Variants in ART1 observed in about 807,000 individuals in gnomAD.
The protein encoded by ART1 is GPI-linked NAD(P)(+)--arginine ADP-ribosyltransferase 1.
A neutral mutation model predicts 27.0 loss-of-function variants in ART1; 29 were observed. The ratio of observed to expected loss-of-function variants is 1.08; its 90% confidence interval spans 0.80 to 1.47. The LOEUF (loss-of-function observed/expected upper bound fraction) is 1.47. ART1 is among the 40% of genes most tolerant of loss of function. The probability of loss-of-function intolerance (pLI) is 0.00; values close to 1 mark genes in which losing one functional copy is unlikely to be tolerated. For missense variants in ART1, 480 were observed against 423.0 expected (o/e 1.13, Z -1.18); for synonymous variants, 201 against 172.2 (o/e 1.17, Z -1.31).
Position 3,659,926 on chromosome 11 carries a change from G to C in ART1, c.407G>C (p.Arg136Pro). 6.2e-7 allele frequency: 1 copy of C among 1,613,372 alleles called. No individual in the cohort carries two copies. The highest frequency in any genetic ancestry group is 1.3e-5 in the African/African-American group (1 of 75,062). The change falls in exon 3 of 5, where the codon CGT (arginine) becomes CCT (proline). Residue 136 changes from arginine (R) to proline (P), a missense_variant. Transcript: ENST00000250693. Reference protein sequence around the residue: ...PLHKEFNAAVREAGRSRAHYL... With the variant: ...PLHKEFNAAVPEAGRSRAHYL... ...CACAAGGAGTTCAATGCAGCCGTGC[G>C]TGAGGCGGGCCGCTCCCGGGCCCAC...
chr11:3,650,218 G>C (rs1249369403), intron 1 of ART1, among the ~76,000 whole-genome samples: 1 of 152,198 alleles, frequency 6.6e-6, no homozygotes, highest in Admixed American at 6.5e-5. Flanking sequence ...ACAAGTGCCG[G>C]AAATCTGGCC....
chr11:3,647,280 C>T (rs968048322), intron 1 of ART1, among the ~76,000 whole-genome samples: 2 of 151,464 alleles, frequency 1.3e-5, no homozygotes, highest in Non-Finnish European at 2.9e-5. Context: ...CGAGATTGCA[C>T]CATTGCACTC....
chr11:3,648,883 G>A (rs562555191), intron 1 of ART1, among the ~76,000 whole-genome samples: 15 of 151,894 alleles, frequency 9.9e-5, no homozygotes, highest in Non-Finnish European at 1.9e-4. Flanking sequence ...TTCACCCTTA[G>A]CGGCAAGTCC....
At chr11:3,653,590 G>T (rs979900227) in intron 1 of ART1, among the ~76,000 whole-genome samples, 4 of 152,218 alleles carry the variant, frequency 2.6e-5, no homozygotes, top group South Asian at 2.1e-4. Flanking sequence ...AAGCTTTATT[G>T]CTCACACAAA....
At chr11:3,648,295 G>T (rs535668711) in intron 1 of ART1, among the ~76,000 whole-genome samples, 9 of 152,094 alleles carry the variant, frequency 5.9e-5, no homozygotes, top group East Asian at 3.9e-4. Context: ...GTCTTCACAC[G>T]GACGCGCATG....
chr11:3,647,408 G>A (rs2077477798), intron 1 of ART1, among the ~76,000 whole-genome samples: 1 of 151,388 alleles, frequency 6.6e-6, no homozygotes, highest in South Asian at 2.1e-4. Context: ...GGCCTGGGCA[G>A]GTGGATCACC....
chr11:3,655,392 G>A (rs989143627), intron 1 of ART1: 1 of 152,196 alleles, frequency 6.6e-6, no homozygotes, highest in South Asian at 2.1e-4. Context: ...GTCCCACTGG[G>A]GACCCTCTAT....
intron 2 of ART1, 68 bp from the exon 3 acceptor site, chr11:3,659,515 C>G: frequency 6.6e-7 from 1 of 1,504,098 alleles, no homozygotes; most frequent in East Asian, 2.3e-5. Flanking sequence ...GAGGGGAGAG[C>G]TGGATGGCAG....
intron 1 of ART1, among the ~76,000 whole-genome samples, chr11:3,651,084 T>A (rs1252909118): frequency 1.3e-5 from 2 of 152,050 alleles, no homozygotes; most frequent in Admixed American, 1.3e-4. Context: ...AATCCGCGCC[T>A]TATCAACCAA....
intron 3 of ART1, 83 bp from the exon 4 acceptor site, chr11:3,661,288 AG>A: frequency 7.9e-7 from 1 of 1,269,288 alleles, no homozygotes; most frequent in Non-Finnish European, 1.1e-6. Context: ...AGAACAAGTC[AG>A]GGATGGACTA....
At chr11:3,653,200 T>C (rs2077540225) in intron 1 of ART1, among the ~76,000 whole-genome samples, 1 of 148,784 alleles carries the variant, frequency 6.7e-6, no homozygotes, top group African/African-American at 2.6e-5. Flanking sequence ...TTCATTTTAT[T>C]TTTCTTATTA....
Position 3,664,161 on chromosome 11 carries a change from C to G in ART1, c.956C>G (p.Ala319Gly). 1 of 1,613,990 alleles carries G rather than the reference C, an allele frequency of 6.2e-7. No homozygotes were observed. The highest frequency in any genetic ancestry group is 2.2e-5 in the East Asian group (1 of 44,882). ...CTGCTCTGGTTCCTCGTGGTGAGGG[C>G]CTTTCCAGATGGTCCAGGCCTCCTT... ...LLLLWFLVVRAFPDGPGLL is the reference protein window; with the variant it reads ...LLLLWFLVVRGFPDGPGLL Residue 319 changes from alanine (A) to glycine (G), a missense_variant, in exon 5 of 5, where the codon GCC becomes GGC. Physicochemically the swap from Ala to Gly is moderately conservative, Grantham distance 60. Coordinates refer to ENST00000250693, the MANE Select transcript of ART1 (RefSeq NM_004314.3).
intron 2 of ART1, 81 bp from the exon 3 acceptor site, chr11:3,659,502 G>A: frequency 6.7e-7 from 1 of 1,484,268 alleles, no homozygotes; most frequent in Non-Finnish European, 9.0e-7. Context: ...GCCTTTCTCA[G>A]TGGAGGGGAG....
At chr11:3,660,395 CG>C in intron 3 of ART1, 32 bp downstream of exon 3, 1 of 1,572,712 alleles carries the variant, frequency 6.4e-7, no homozygotes, top group Non-Finnish European at 8.6e-7. Context: ...GGCACCTGTG[CG>C]GAAGGTGGAC....
At chr11:3,663,838 T>TG (rs1186849436) in intron 4 of ART1, 1 of 415,952 alleles carries the variant, frequency 2.4e-6, no homozygotes, top group South Asian at 3.3e-5. Flanking sequence ...AATTTAGCAG[T>TG]GGGGGGACTG....
At chr11:3,652,009 A>G (rs2077526317) in intron 1 of ART1, among the ~76,000 whole-genome samples, 1 of 151,480 alleles carries the variant, frequency 6.6e-6, no homozygotes, top group Non-Finnish European at 1.5e-5. Flanking sequence ...AGAACCTCTC[A>G]TTTCCTTTCC....
At chr11:3,649,696 A>G (rs201170620) in intron 1 of ART1, among the ~76,000 whole-genome samples, 97,967 of 144,238 alleles carry the variant, frequency 0.68, 32,458 homozygotes, top group Admixed American at 0.81. Context: ...ATTTCATTTC[A>G]TGACTAGCCC....
chr11:3,651,722 C>T (rs2077523510), intron 1 of ART1, among the ~76,000 whole-genome samples: 2 of 151,126 alleles, frequency 1.3e-5, no homozygotes, highest in South Asian at 4.2e-4. Context: ...CCCCCAGCTC[C>T]TTCAGCTGTA....
At chr11:3,662,202 A>G (rs1312026317) in intron 4 of ART1, among the ~76,000 whole-genome samples, 1 of 152,088 alleles carries the variant, frequency 6.6e-6, no homozygotes, top group African/African-American at 2.4e-5. Context: ...AACTTTCTCT[A>G]CGACCAACCC....
Sources: allele counts gnomAD v4.1 joint callset (sites outside exome capture counted in the v4.1 genomes callset), GRCh38; gene constraint gnomAD v4.1.1; transcripts MANE v1.5; gene names NCBI Gene and HGNC (gene_info 2026-07-23, HGNC 2026-07-21).